The following EPC1 variants were observed in gnomAD, a reference collection of about 807,000 sequenced individuals.
EPC1 encodes the protein enhancer of polycomb homolog 1.
In EPC1, 12 loss-of-function variants were observed where a neutral mutation model predicts 98.4. That is an observed-to-expected ratio of 0.12 (90% CI 0.08 to 0.20). The LOEUF (loss-of-function observed/expected upper bound fraction) is 0.20. EPC1 is among the 10% of genes least tolerant of loss of function. The pLI is 1.00. For missense variants in EPC1, 729 were observed against 990.5 expected (o/e 0.74, Z 3.54); for synonymous variants, 357 against 363.9 (o/e 0.98, Z 0.21).
chr10:32,306,405 C>T (rs1395996970), intron 1 of EPC1, among the ~76,000 whole-genome samples: 4 of 152,168 alleles, frequency 2.6e-5, no homozygotes, highest in African/African-American at 9.7e-5. Flanking sequence ...GAGGTTATCT[C>T]CATTTTGAGT....
At chr10:32,311,523 T>TAAA (rs199646001) in intron 1 of EPC1, among the ~76,000 whole-genome samples, 1 of 148,756 alleles carries the variant, frequency 6.7e-6, no homozygotes. Flanking sequence ...TTCTAAGGCT[T>TAAA]AAAAAAAAAA....
At position 32,291,224 on chromosome 10, in the gene EPC1, G is replaced by A; in HGVS notation, c.914C>T (p.Thr305Ile). The A allele has an allele frequency of 1.9e-6, 3 of 1,613,786 alleles. No individual in the cohort carries two copies. The highest frequency in any genetic ancestry group is 2.5e-6 in the Non-Finnish European group (3 of 1,179,782). Reference protein sequence around the residue: ...PTYAIPIIPITNSSQFKHQEA... With the variant: ...PTYAIPIIPIINSSQFKHQEA... ...CTGGTGTTTAAATTGACTGCTATTA[G>A]TAATAGGGATGATGGGGATGGCATA... Residue 305 changes from threonine to isoleucine, a missense_variant, in exon 6 of 14, where the codon ACT becomes ATT. By Grantham distance (89) the Thr-to-Ile change is moderately conservative. This residue lies in a region of EPC1 where 390 missense variants were observed against 438.6 expected (regional missense o/e 0.89). Coordinates refer to ENST00000319778, the MANE Select transcript of EPC1 (RefSeq NM_001272004.3).
chr10:32,332,541 G>A (rs768313513), intron 1 of EPC1, among the ~76,000 whole-genome samples: 6 of 152,160 alleles, frequency 3.9e-5, no homozygotes, highest in African/African-American at 1.4e-4. Context: ...ACACTCTCTC[G>A]AGTCATTTGT....
chr10:32,293,573 T>A lies in EPC1; in HGVS notation c.459+19A>T. 1 of 1,608,276 alleles carries A rather than the reference T, an allele frequency of 6.2e-7. No homozygotes were observed. Among genetic ancestry groups the A allele is most frequent in the Non-Finnish European group, 8.5e-7 (1 of 1,177,364 alleles). On this transcript the variant is annotated intron_variant, in intron 3 of 13. Transcript: ENST00000319778. ...ACATAGAATATGTATATACTTGTTA[T>A]ATACAAATGAAGTTGTACCTGCTGA...
At chr10:32,275,415 C>CCG (rs1836030053) in intron 10 of EPC1, among the ~76,000 whole-genome samples, 1 of 151,498 alleles carries the variant, frequency 6.6e-6, no homozygotes, top group Non-Finnish European at 1.5e-5. Flanking sequence ...GGGTGGATCA[C>CCG]GAGGTCAGGA....
chr10:32,315,111 T>C (rs1419274520), intron 1 of EPC1, among the ~76,000 whole-genome samples: 1 of 152,228 alleles, frequency 6.6e-6, no homozygotes, highest in Non-Finnish European at 1.5e-5. Context: ...TCAAAAGATG[T>C]ATTCTCATGT....
At chr10:32,328,259 G>T (rs1385104481) in intron 1 of EPC1, among the ~76,000 whole-genome samples, 1 of 152,146 alleles carries the variant, frequency 6.6e-6, no homozygotes, top group Admixed American at 6.6e-5. Flanking sequence ...AATGCTCTCA[G>T]TTGAATAAAA....
rs1208830885 is a variant in EPC1, at chr10:32,290,495, A to ATC, written c.975+667_975+668insGA. Among the ~76,000 whole-genome samples the ATC allele has an allele frequency of 8.8e-5, 10 of 114,022 alleles. No homozygotes were observed. The East Asian group carries it at 1.3e-3, about 15-fold the overall frequency. 74.8% of individuals were successfully genotyped at this position (114,022 alleles called of 152,430 possible). On this transcript the variant is annotated intron_variant, in intron 6 of 13. Transcript: ENST00000319778. ...AGCAAGACTCTGTCAAAAAAAAAAA[A>ATC]AAAAAAAAAAAAAGAAAGAAAGAAA...
At chr10:32,326,870 C>G (rs1235985619) in intron 1 of EPC1, among the ~76,000 whole-genome samples, 17 of 151,836 alleles carry the variant, frequency 1.1e-4, no homozygotes, top group African/African-American at 4.1e-4. Flanking sequence ...CAAGTGAGAA[C>G]GTCTATTAGA....
At chr10:32,318,141 C>CTCTT (rs1836665272) in intron 1 of EPC1, among the ~76,000 whole-genome samples, 1 of 152,198 alleles carries the variant, frequency 6.6e-6, no homozygotes, top group East Asian at 1.9e-4. Context: ...AAATTAGAGT[C>CTCTT]TCTTTCTACG....
chr10:32,344,843 A>G (rs1224977811), intron 1 of EPC1, among the ~76,000 whole-genome samples: 1 of 152,186 alleles, frequency 6.6e-6, no homozygotes, highest in Non-Finnish European at 1.5e-5. Context: ...TACCCGTAAA[A>G]TTTAACAAGC....
chr10:32,271,836 A>G lies in EPC1; in HGVS notation c.2087T>C (p.Leu696Ser), dbSNP rs750764581. Residue 696 changes from leucine to serine, a missense_variant, in exon 13 of 14, where the codon TTG (leucine) becomes TCG (serine). Leu to Ser is a moderately radical substitution (Grantham distance 145, BLOSUM62 -2). Transcript: ENST00000319778. The part of the protein sequence containing the change: ...HTSPSTAGSA[L>S]LQPSNITQTS... ...CTGTGTAATATTTGAAGGCTGTAAC[A>G]AAGCTGAACCTGCCGTTGATGGACT... The G allele has an allele frequency of 1.9e-6, 3 of 1,614,078 alleles. No homozygotes were observed. The highest frequency in any genetic ancestry group is 2.5e-6 in the Non-Finnish European group (3 of 1,180,046).
chr10:32,320,294 C>A (rs774931593), intron 1 of EPC1, among the ~76,000 whole-genome samples: 7 of 151,886 alleles, frequency 4.6e-5, no homozygotes, highest in Non-Finnish European at 7.4e-5. Flanking sequence ...TTACCAAGTA[C>A]CTGCATAATC....
At chr10:32,287,912 C>T (rs1434255643) in intron 6 of EPC1, among the ~76,000 whole-genome samples, 2 of 152,040 alleles carry the variant, frequency 1.3e-5, no homozygotes, top group East Asian at 1.9e-4. Flanking sequence ...ATACAGGCAA[C>T]AGTAACTGAG....
At chr10:32,284,567 G>T in intron 10 of EPC1, 131 bp downstream of exon 10, 2 of 707,090 alleles carry the variant, frequency 2.8e-6, no homozygotes, top group Non-Finnish European at 2.3e-6. Flanking sequence ...CTTAGACCAA[G>T]ATTTTTTTTT....
intron 10 of EPC1, among the ~76,000 whole-genome samples, chr10:32,278,371 G>GTTT (rs58729377): frequency 1.9e-4 from 20 of 102,578 alleles, no homozygotes; most frequent in South Asian, 6.7e-4. Flanking sequence ...GTTTTTTTTT[G>GTTT]TTTTTTTTTT....
intron 10 of EPC1, chr10:32,282,117 T>G (rs1351390279): frequency 6.6e-6 from 1 of 152,166 alleles, no homozygotes; most frequent in Non-Finnish European, 1.5e-5. Context: ...ATGAACAGTG[T>G]TACCCTACAG....
chr10:32,293,414 A>T (rs1164508604), intron 3 of EPC1, among the ~76,000 whole-genome samples, 178 bp downstream of exon 3: 1 of 152,180 alleles, frequency 6.6e-6, no homozygotes, highest in East Asian at 1.9e-4. Context: ...AGAAAAATTT[A>T]AACATATTGC....
chr10:32,268,439 C>CTTT lies in EPC1; in HGVS notation c.*621_*623dup, dbSNP rs59836590. On this transcript the variant is annotated 3_prime_UTR_variant, in exon 14 of 14. Transcript: ENST00000319778. The stretch of plus-strand genomic sequence containing the variant: ...TCCCCATTTTTAAAAAAACTGATGC[C>CTTT]TTTTTTTTTTTTTTTTTTTTTGTAA... The CTTT allele has an allele frequency of 8.9e-6, 1 of 111,924 alleles. No homozygotes were observed. Among genetic ancestry groups the CTTT allele is most frequent in the Non-Finnish European group, 1.8e-5 (1 of 55,144 alleles). The allele number at this position is 111,924 out of a possible 1,614,324, so 6.9% of individuals were successfully genotyped here.
Sources: allele counts gnomAD v4.1 joint callset (sites outside exome capture counted in the v4.1 genomes callset), GRCh38; gene constraint gnomAD v4.1.1; regional missense constraint gnomAD v4.1.1; transcripts MANE v1.5; gene names NCBI Gene and HGNC (gene_info 2026-07-23, HGNC 2026-07-21).